UQCC4: variants seen among roughly 807,000 people sequenced by gnomAD.
The protein encoded by UQCC4 is ubiquinol-cytochrome c reductase complex assembly factor 4.
chr16:1,420,253 C>G, the UQCC4 span: 1 of 1,613,576 alleles, frequency 6.2e-7, no homozygotes, highest in Non-Finnish European at 8.5e-7. Context: ...CCGTCAAGTT[C>G]TCGCTCTGTA....
At chr16:1,420,420 G>C in the UQCC4 span, 1 of 1,614,114 alleles carries the variant, frequency 6.2e-7, no homozygotes, top group Non-Finnish European at 8.5e-7. Context: ...CCTTCCACCA[G>C]GGCCGCTGAT....
the UQCC4 span, chr16:1,420,088 G>A: frequency 1.2e-6 from 2 of 1,613,180 alleles, no homozygotes. Context: ...ATTCTGCTCC[G>A]CCTTCACGCG....
At chr16:1,420,745 G>A in the UQCC4 span, 1 of 1,535,944 alleles carries the variant, frequency 6.5e-7, no homozygotes. Context: ...CTCCTCGACT[G>A]ACGCCTTGGC....
the UQCC4 span, chr16:1,420,558 C>T: frequency 6.2e-7 from 1 of 1,612,344 alleles, no homozygotes; most frequent in South Asian, 1.1e-5. Flanking sequence ...GGGAACCGGG[C>T]AACGGATGAA....
the UQCC4 span, chr16:1,420,015 G>A: frequency 3.1e-6 from 5 of 1,606,830 alleles, no homozygotes; most frequent in South Asian, 1.1e-5. Flanking sequence ...GATCTGAGAA[G>A]TCTTGCCGAT....
At chr16:1,420,678 C>CT in the UQCC4 span, 85 of 1,547,978 alleles carry the variant, frequency 5.5e-5, no homozygotes, top group Non-Finnish European at 5.8e-5. Flanking sequence ...CCTCCGAGAC[C>CT]TTGAGGAGCT....
the UQCC4 span, chr16:1,420,529 G>A: frequency 1.7e-5 from 27 of 1,614,030 alleles, no homozygotes; most frequent in Non-Finnish European, 2.2e-5. Flanking sequence ...TTCCTCGGCG[G>A]CAGGGTGGGC....
At chr16:1,420,710 A>C in the UQCC4 span, 2 of 1,542,010 alleles carry the variant, frequency 1.3e-6, no homozygotes, top group Non-Finnish European at 8.7e-7. Flanking sequence ...CGGGGCACAC[A>C]AGACACGATT....
chr16:1,420,247 C>G, the UQCC4 span: 2 of 1,613,456 alleles, frequency 1.2e-6, no homozygotes, highest in African/African-American at 1.3e-5. Flanking sequence ...GGCACCCCGT[C>G]AAGTTCTCGC....
chr16:1,420,673 G>C, the UQCC4 span: 1 of 1,548,744 alleles, frequency 6.5e-7, no homozygotes, highest in Non-Finnish European at 8.7e-7. Flanking sequence ...TCGGCCCTCC[G>C]AGACCTTGAG....
the UQCC4 span, chr16:1,420,099 A>T: frequency 7.4e-6 from 12 of 1,613,308 alleles, no homozygotes; most frequent in Non-Finnish European, 1.0e-5. Flanking sequence ...CCTTCACGCG[A>T]ATCAGCATAG....
At chr16:1,420,349 C>G in the UQCC4 span, 1 of 1,614,238 alleles carries the variant, frequency 6.2e-7, no homozygotes, top group Non-Finnish European at 8.5e-7. Context: ...GTCCGCCTCG[C>G]TCTCCTCCCT....
At chr16:1,420,070 C>T in the UQCC4 span, 6 of 1,612,902 alleles carry the variant, frequency 3.7e-6, no homozygotes, top group South Asian at 6.6e-5. Context: ...AGTTTCCGAT[C>T]TGCTGAGATT....
the UQCC4 span, chr16:1,420,635 C>A: frequency 7.1e-6 from 11 of 1,549,532 alleles, no homozygotes; most frequent in Non-Finnish European, 7.0e-6. Flanking sequence ...GAGCAGTAAG[C>A]GCTCCGCCCG....
chr16:1,420,527 C>T, the UQCC4 span: 1 of 1,614,158 alleles, frequency 6.2e-7, no homozygotes, highest in South Asian at 1.1e-5. Context: ...TCTTCCTCGG[C>T]GGCAGGGTGG....
At chr16:1,420,408 C>G in the UQCC4 span, 1 of 1,614,260 alleles carries the variant, frequency 6.2e-7, no homozygotes, top group Non-Finnish European at 8.5e-7. Flanking sequence ...TGAGGGGCAG[C>G]ACCTTCCACC....
the UQCC4 span, chr16:1,420,351 C>G: frequency 4.8e-5 from 78 of 1,614,260 alleles, no homozygotes; most frequent in African/African-American, 8.7e-4. Flanking sequence ...CCGCCTCGCT[C>G]TCCTCCCTCA....
At chr16:1,420,014 A>G in the UQCC4 span, 1 of 1,606,480 alleles carries the variant, frequency 6.2e-7, no homozygotes, top group Non-Finnish European at 8.5e-7. Flanking sequence ...GGATCTGAGA[A>G]GTCTTGCCGA....
the UQCC4 span, chr16:1,420,304 T>C: frequency 5.0e-6 from 8 of 1,614,120 alleles, no homozygotes; most frequent in East Asian, 8.9e-5. Flanking sequence ...ATCACTGGGC[T>C]CTGGCACCTC....
Sources: allele counts gnomAD v4.1 joint callset, GRCh38; gene constraint gnomAD v4.1.1; transcripts MANE v1.5; gene names NCBI Gene and HGNC (gene_info 2026-07-23, HGNC 2026-07-21).